MEF2C: variants seen among roughly 807,000 people sequenced by gnomAD.
MEF2C encodes myocyte-specific enhancer factor 2C.
In MEF2C, 6 loss-of-function variants were observed where a neutral mutation model predicts 50.5. That is an observed-to-expected ratio of 0.12 (90% CI 0.07 to 0.23). The LOEUF is 0.23. Ranked by LOEUF, MEF2C falls within the 10% of genes least tolerant of loss-of-function variation. The pLI, the probability that MEF2C is intolerant of heterozygous loss-of-function variation, is 1.00. For missense variants in MEF2C, 276 were observed against 605.0 expected (o/e 0.46, Z 5.70); for synonymous variants, 183 against 228.0 (o/e 0.80, Z 1.78).
rs1760884258 is a variant in MEF2C, at chr5:88,730,289, G to A, written c.811-55C>T. On this transcript the variant is annotated intron_variant, in intron 7 of 10. Coordinates refer to ENST00000504921, the MANE Select transcript of MEF2C (RefSeq NM_002397.5). ...TTAGTGTCCGTAAATATTTATAATT[G>A]GGCAAAATCTTTTCAACAAAAGGAA... 5.2e-6 allele frequency: 8 copies of A among 1,541,878 alleles called. No individual in the cohort carries two copies. In the Admixed American group the frequency reaches 1.4e-4, roughly 26 times the overall value.
intron 1 of MEF2C, among the ~76,000 whole-genome samples, chr5:88,902,470 C>A (rs2150346676): frequency 6.6e-6 from 1 of 151,132 alleles, no homozygotes; most frequent in South Asian, 2.1e-4. Flanking sequence ...AAAATATTAG[C>A]TATTTTGTTT....
At chr5:88,873,708 A>ATTTTTT (rs199642010) in intron 1 of MEF2C, among the ~76,000 whole-genome samples, 8 of 93,810 alleles carry the variant, frequency 8.5e-5, no homozygotes, top group African/African-American at 2.2e-4. Context: ...GTCGTCACGG[A>ATTTTTT]TTTTTTTTTT....
At chr5:88,848,874 C>T (rs1187047737) in intron 1 of MEF2C, among the ~76,000 whole-genome samples, 1 of 152,020 alleles carries the variant, frequency 6.6e-6, no homozygotes, top group Admixed American at 6.6e-5. Context: ...TATTGTGAGC[C>T]AGGCGTGGTG....
In MEF2C at chr5:88,749,848, GT is replaced by G. The variant is rs565729995; in HGVS notation, c.590-732del. Among the ~76,000 whole-genome samples, 263 of 152,166 alleles carry G rather than the reference GT, an allele frequency of 1.7e-3. 2 individuals are homozygous for G. The highest frequency in any genetic ancestry group is 3.1e-3 in the South Asian group (15 of 4,814). On this transcript the variant is annotated intron_variant, in intron 5 of 10. Coordinates refer to ENST00000504921, the MANE Select transcript of MEF2C (RefSeq NM_002397.5). Reference sequence around the variant, plus strand: ...GATAGAGACCATCCTGGCTAACACGGTGAAACCCTGTCTCTACTAAAAATAC... The same window carrying G: ...GATAGAGACCATCCTGGCTAACACGGGAAACCCTGTCTCTACTAAAAATAC...
chr5:88,730,841 A>G (rs1581372443), intron 7 of MEF2C, among the ~76,000 whole-genome samples: 1 of 152,210 alleles, frequency 6.6e-6, no homozygotes, highest in Admixed American at 6.5e-5. Flanking sequence ...CTTGCCACAG[A>G]GCAGAGAAAG....
At chr5:88,785,279 T>TACACACACACACACACACACACAC (rs57929414) in intron 3 of MEF2C, 1 of 143,838 alleles carries the variant, frequency 7.0e-6, no homozygotes, top group Non-Finnish European at 1.5e-5. Context: ...AAAACTGGCA[T>TACACACACACACACACACACACAC]ACACACACAC....
At chr5:88,848,161 A>G (rs1033399691) in intron 1 of MEF2C, among the ~76,000 whole-genome samples, 1 of 152,190 alleles carries the variant, frequency 6.6e-6, no homozygotes, top group African/African-American at 2.4e-5. Flanking sequence ...ATGATATAGA[A>G]TAATTTGCCA....
intron 3 of MEF2C, among the ~76,000 whole-genome samples, chr5:88,783,571 G>A (rs1377076542): frequency 1.3e-5 from 2 of 151,952 alleles, no homozygotes; most frequent in South Asian, 2.1e-4. Context: ...TGGAGGTTGC[G>A]GTGAGCTGAG....
intron 3 of MEF2C, among the ~76,000 whole-genome samples, chr5:88,782,961 A>G (rs912245788): frequency 1.3e-5 from 2 of 152,074 alleles, no homozygotes; most frequent in Non-Finnish European, 2.9e-5. Context: ...TATTCTCTTC[A>G]TATCAAGCTA....
intron 1 of MEF2C, among the ~76,000 whole-genome samples, chr5:88,854,565 T>C (rs1822576702): frequency 6.6e-6 from 1 of 152,312 alleles, no homozygotes; most frequent in Non-Finnish European, 1.5e-5. Context: ...CTACTTTTCC[T>C]AGATCTCTCT....
chr5:88,903,970 T>G (rs1277990133), exon 1 of MEF2C: 1 of 152,072 alleles, frequency 6.6e-6, no homozygotes, highest in Non-Finnish European at 1.5e-5. Flanking sequence ...GCTGAGGGCT[T>G]TGTTGTCCAA....
intron 3 of MEF2C, among the ~76,000 whole-genome samples, chr5:88,790,431 ATT>A (rs1037269732): frequency 3.9e-5 from 6 of 152,166 alleles, no homozygotes; most frequent in African/African-American, 1.4e-4. Context: ...TAGAATCAGC[ATT>A]TTAGCAAGAT....
intron 3 of MEF2C, among the ~76,000 whole-genome samples, chr5:88,788,828 T>A (rs913576174): frequency 1.3e-5 from 2 of 152,178 alleles, no homozygotes; most frequent in Non-Finnish European, 2.9e-5. Flanking sequence ...ATAGTATAGG[T>A]GCTAAATATA....
At chr5:88,814,793 T>TA (rs1804574222) in intron 2 of MEF2C, among the ~76,000 whole-genome samples, 1 of 152,114 alleles carries the variant, frequency 6.6e-6, no homozygotes, top group South Asian at 2.1e-4. Context: ...AACAAACTCA[T>TA]AAAAGTTTGA....
At chr5:88,779,818 A>G (rs1304441610) in intron 3 of MEF2C, among the ~76,000 whole-genome samples, 1 of 151,726 alleles carries the variant, frequency 6.6e-6, no homozygotes, top group Non-Finnish European at 1.5e-5. Flanking sequence ...CTAATGGAAA[A>G]CAAATTTCTT....
At chr5:88,849,094 T>C (rs1315781444) in intron 1 of MEF2C, among the ~76,000 whole-genome samples, 1 of 140,882 alleles carries the variant, frequency 7.1e-6, no homozygotes, top group Non-Finnish European at 1.5e-5. Flanking sequence ...GAGGTTGCAG[T>C]GAGCCGAGAT....
chr5:88,721,695 A>G lies in MEF2C; in HGVS notation c.*909T>C, dbSNP rs953397186. 6.6e-6 allele frequency: 1 copy of G among 152,576 alleles called. No individual in the cohort carries two copies. The allele number at this position is 152,576 out of a possible 1,614,324, so 9.5% of individuals were successfully genotyped here. On this transcript the variant is annotated 3_prime_UTR_variant, in exon 11 of 11. Coordinates refer to ENST00000504921, the MANE Select transcript of MEF2C (RefSeq NM_002397.5). ...TACACATTTCAAAAACAAAACTTCTACAAAGAGAAAACAGTTATCTTGGTT... is the reference window on the plus strand; with the variant it reads ...TACACATTTCAAAAACAAAACTTCTGCAAAGAGAAAACAGTTATCTTGGTT...
At chr5:88,842,520 A>G (rs1817749119) in intron 1 of MEF2C, among the ~76,000 whole-genome samples, 1 of 151,838 alleles carries the variant, frequency 6.6e-6, no homozygotes, top group African/African-American at 2.4e-5. Flanking sequence ...AAACAGTGCC[A>G]TTACAAACGT....
intron 6 of MEF2C, chr5:88,735,513 C>T: frequency 1.0e-6 from 1 of 982,308 alleles, no homozygotes; most frequent in Non-Finnish European, 1.2e-6. Context: ...TACAGACCAA[C>T]TTTAGAGTCA....
Sources: gnomAD v4.1 joint callset for allele counts (sites outside exome capture counted in the v4.1 genomes callset) on GRCh38, gnomAD v4.1.1 for gene constraint, MANE v1.5 for transcripts, NCBI Gene and HGNC (gene_info 2026-07-23, HGNC 2026-07-21) for gene names.